Variants in NLGN1 observed in about 807,000 individuals in gnomAD.
The protein encoded by NLGN1 is neuroligin 1, also known as neuroligin-1.
NLGN1 carries 12 observed loss-of-function variants against 65.5 expected under a neutral mutation model. That is an observed-to-expected ratio of 0.18 (90% CI 0.12 to 0.30). The LOEUF (loss-of-function observed/expected upper bound fraction) is 0.30. NLGN1 is among the 10% of genes least tolerant of loss of function. The pLI is 1.00. For synonymous variants in NLGN1, 350 were observed against 359.5 expected, an observed-to-expected ratio of 0.97 and a Z score of 0.30; for missense variants, 750 against 1,007.1, an observed-to-expected ratio of 0.74 and a Z score of 3.46.
At chr3:174,071,549 A>G (rs1739871085) in intron 4 of NLGN1, among the ~76,000 whole-genome samples, 1 of 151,958 alleles carries the variant, frequency 6.6e-6, no homozygotes, top group Admixed American at 6.6e-5. Context: ...ACACACATGA[A>G]AAAACAATTA....
At chr3:173,611,934 A>C (rs868216977) in intron 3 of NLGN1, among the ~76,000 whole-genome samples, 1 of 152,050 alleles carries the variant, frequency 6.6e-6, no homozygotes, top group African/African-American at 2.4e-5. Flanking sequence ...TACCGTATGT[A>C]ATATCTTTCC....
chr3:173,836,909 G>C (rs1021692446), intron 4 of NLGN1, among the ~76,000 whole-genome samples: 1 of 152,074 alleles, frequency 6.6e-6, no homozygotes, highest in Admixed American at 6.6e-5. Flanking sequence ...ATGGGTAAAG[G>C]GATGCTGAAT....
chr3:173,994,755 T>C (rs2152418223), intron 4 of NLGN1, among the ~76,000 whole-genome samples: 1 of 152,312 alleles, frequency 6.6e-6, no homozygotes, highest in South Asian at 2.1e-4. Flanking sequence ...ACTGATATTT[T>C]TGTTTTTAAA....
chr3:173,934,946 T>G (rs546011694), intron 4 of NLGN1, among the ~76,000 whole-genome samples: 1 of 152,160 alleles, frequency 6.6e-6, no homozygotes, highest in African/African-American at 2.4e-5. Flanking sequence ...TTTCAAAAAT[T>G]TATTGCAACC....
intron 3 of NLGN1, among the ~76,000 whole-genome samples, chr3:173,663,927 A>C (rs1761331349): frequency 6.6e-6 from 1 of 150,986 alleles, no homozygotes; most frequent in Admixed American, 6.6e-5. Flanking sequence ...GTAGGAGTAC[A>C]TTGTTTGAAA....
intron 2 of NLGN1, among the ~76,000 whole-genome samples, chr3:173,536,660 G>A (rs1737484363): frequency 6.6e-6 from 1 of 152,140 alleles, no homozygotes; most frequent in Non-Finnish European, 1.5e-5. Flanking sequence ...GATTTACTCT[G>A]TATAAAAATG....
At chr3:173,593,979 C>T (rs537837379) in intron 2 of NLGN1, among the ~76,000 whole-genome samples, 154 of 152,274 alleles carry the variant, frequency 1.0e-3, no homozygotes, top group African/African-American at 3.5e-3. Flanking sequence ...TTCAAATTAT[C>T]TCCCACTGGG....
intron 4 of NLGN1, among the ~76,000 whole-genome samples, chr3:174,212,781 G>A (rs1002546420): frequency 5.3e-5 from 8 of 152,178 alleles, no homozygotes; most frequent in African/African-American, 1.9e-4. Flanking sequence ...TTAAAATGAG[G>A]CATCAACAGA....
chr3:173,671,960 G>T (rs1206563324), intron 3 of NLGN1, among the ~76,000 whole-genome samples: 3 of 151,556 alleles, frequency 2.0e-5, no homozygotes, highest in Non-Finnish European at 2.9e-5. Flanking sequence ...GGATCACGAG[G>T]TCAGGAGATC....
chr3:173,851,999 T>C (rs1043843929), intron 4 of NLGN1, among the ~76,000 whole-genome samples: 1 of 152,050 alleles, frequency 6.6e-6, no homozygotes, highest in African/African-American at 2.4e-5. Flanking sequence ...ATGTGGGGCT[T>C]AAAACATACA....
intron 2 of NLGN1, among the ~76,000 whole-genome samples, chr3:173,560,332 AAGAG>A (rs1198351500): frequency 1.3e-5 from 2 of 152,112 alleles, no homozygotes; most frequent in African/African-American, 4.8e-5. Flanking sequence ...GAAAGAAAGA[AAGAG>A]AGAAAGAAAA....
chr3:173,596,130 C>T (rs897934551), intron 2 of NLGN1, among the ~76,000 whole-genome samples: 5 of 152,122 alleles, frequency 3.3e-5, no homozygotes, highest in African/African-American at 1.2e-4. Flanking sequence ...TTTTTTTCTC[C>T]AATTAATGTT....
intron 4 of NLGN1, among the ~76,000 whole-genome samples, chr3:173,909,147 C>T (rs1180542000): frequency 6.6e-6 from 1 of 151,926 alleles, no homozygotes; most frequent in Non-Finnish European, 1.5e-5. Flanking sequence ...ATTCTATTAG[C>T]TAGTCACTAA....
intron 4 of NLGN1, among the ~76,000 whole-genome samples, chr3:174,089,058 A>C (rs1184283185): frequency 6.6e-6 from 1 of 152,126 alleles, no homozygotes; most frequent in African/African-American, 2.4e-5. Context: ...ATCCATCCTG[A>C]ACACACACAA....
At chr3:174,074,326 G>A (rs576086200) in intron 4 of NLGN1, among the ~76,000 whole-genome samples, 2 of 152,232 alleles carry the variant, frequency 1.3e-5, no homozygotes, top group African/African-American at 4.8e-5. Context: ...AATATTTATG[G>A]TTAAGCTTCT....
chr3:173,895,078 G>T lies in NLGN1; in HGVS notation c.646+87246G>T, dbSNP rs185650554. The stretch of plus-strand genomic sequence containing the variant: ...TTTCCTTGCTTTTTTGGTGCCGGGA[G>T]GGGGGGAGTTGTTGATCTAATAATT... On this transcript the variant is annotated intron_variant, in intron 4 of 6. Coordinates refer to ENST00000457714, the Ensembl canonical transcript of NLGN1. Among the ~76,000 whole-genome samples, 6 of 152,204 alleles carry T rather than the reference G, an allele frequency of 3.9e-5. No homozygotes were observed. In the South Asian group the frequency reaches 6.2e-4, roughly 16 times the overall value.
chr3:173,836,298 A>G (rs9870728), intron 4 of NLGN1, among the ~76,000 whole-genome samples: 110,454 of 151,992 alleles, frequency 0.73, 40,554 homozygotes, highest in African/African-American at 0.78. Context: ...ATTGTTATAA[A>G]ACATATTGGA....
At chr3:173,727,833 T>C (rs1185609660) in intron 3 of NLGN1, among the ~76,000 whole-genome samples, 1 of 152,108 alleles carries the variant, frequency 6.6e-6, no homozygotes, top group Non-Finnish European at 1.5e-5. Context: ...GAATTTCCTC[T>C]TGCAATCAAA....
chr3:174,250,904 T>C (rs1744656894), intron 4 of NLGN1, among the ~76,000 whole-genome samples: 1 of 152,122 alleles, frequency 6.6e-6, no homozygotes, highest in Admixed American at 6.6e-5. Flanking sequence ...AAAGCCTTTT[T>C]TGTTTTGTTT....
Sources: allele counts gnomAD v4.1 joint callset (sites outside exome capture counted in the v4.1 genomes callset), GRCh38; gene constraint gnomAD v4.1.1; transcripts MANE v1.5; gene names NCBI Gene and HGNC (gene_info 2026-07-23, HGNC 2026-07-21).